Variants in ST6GALNAC3 observed in about 807,000 individuals in gnomAD.
ST6GALNAC3 encodes alpha-N-acetylgalactosaminide alpha-2,6-sialyltransferase 3.
Under a neutral mutation model 32.7 loss-of-function variants are expected in ST6GALNAC3, and 25 were observed. The ratio of observed to expected loss-of-function variants is 0.76; its 90% CI spans 0.56 to 1.07. The LOEUF is 1.07. ST6GALNAC3 is among the 50% of genes least tolerant of loss of function. ST6GALNAC3 has a pLI of 0.00. For synonymous variants in ST6GALNAC3, 129 were observed against 133.1 expected (o/e 0.97, Z 0.21); for missense variants, 355 against 382.4 (o/e 0.93, Z 0.60).
intron 3 of ST6GALNAC3, among the ~76,000 whole-genome samples, chr1:76,578,030 T>C (rs1646837102): frequency 6.6e-6 from 1 of 152,222 alleles, no homozygotes; most frequent in East Asian, 1.9e-4. Context: ...TAACTTGCCC[T>C]AATTTACTAT....
chr1:76,477,508 G>C (rs1307955884), intron 3 of ST6GALNAC3, among the ~76,000 whole-genome samples: 1 of 152,126 alleles, frequency 6.6e-6, no homozygotes, highest in African/African-American at 2.4e-5. Context: ...ATCACCCTAA[G>C]CCTGCACTGG....
intron 3 of ST6GALNAC3, among the ~76,000 whole-genome samples, chr1:76,624,339 T>C (rs1055594781): frequency 5.3e-5 from 8 of 152,068 alleles, no homozygotes; most frequent in East Asian, 1.9e-4. Context: ...CCTGAAATTC[T>C]TGATCTTCTT....
At chr1:76,603,191 A>G (rs909695808) in intron 3 of ST6GALNAC3, among the ~76,000 whole-genome samples, 1 of 152,136 alleles carries the variant, frequency 6.6e-6, no homozygotes, top group Non-Finnish European at 1.5e-5. Flanking sequence ...GTAGTTGAAC[A>G]TTTGCTTACC....
intron 1 of ST6GALNAC3, among the ~76,000 whole-genome samples, chr1:76,197,980 CT>C (rs1654301572): frequency 6.6e-6 from 1 of 152,202 alleles, no homozygotes. Flanking sequence ...AAAATTGCCC[CT>C]GGTTGAAAAC....
chr1:76,530,138 C>A (rs1020531086), intron 3 of ST6GALNAC3, among the ~76,000 whole-genome samples: 1 of 152,178 alleles, frequency 6.6e-6, no homozygotes, highest in Admixed American at 6.5e-5. Flanking sequence ...AATCCACAAA[C>A]CTCGGTGAAA....
intron 1 of ST6GALNAC3, among the ~76,000 whole-genome samples, chr1:76,120,216 G>C (rs540763791): frequency 6.6e-6 from 1 of 152,358 alleles, no homozygotes; most frequent in South Asian, 2.1e-4. Context: ...TGGACTGGGG[G>C]AACAGTGGCA....
intron 1 of ST6GALNAC3, among the ~76,000 whole-genome samples, chr1:76,130,124 C>G (rs1010493254): frequency 5.9e-5 from 9 of 152,172 alleles, no homozygotes; most frequent in African/African-American, 2.2e-4. Context: ...TTAAGAGGCA[C>G]TTTGCTGGGA....
intron 1 of ST6GALNAC3, among the ~76,000 whole-genome samples, chr1:76,106,153 G>A (rs1270335982): frequency 6.6e-6 from 1 of 152,218 alleles, no homozygotes; most frequent in Non-Finnish European, 1.5e-5. Flanking sequence ...AACATAATGA[G>A]TGGTCAATAA....
intron 3 of ST6GALNAC3, among the ~76,000 whole-genome samples, chr1:76,599,971 CAA>C (rs1164651844): frequency 6.6e-6 from 1 of 152,098 alleles, no homozygotes; most frequent in African/African-American, 2.4e-5. Flanking sequence ...TATTTTAGAA[CAA>C]AAGTTATTTT....
At chr1:76,212,096 A>C (rs1017534940) in intron 1 of ST6GALNAC3, among the ~76,000 whole-genome samples, 1 of 152,142 alleles carries the variant, frequency 6.6e-6, no homozygotes, top group Admixed American at 6.5e-5. Context: ...ATTAGAACAA[A>C]AACAACGTTT....
rs752689601 is a variant in ST6GALNAC3 at position 76,399,688 on chromosome 1, C to T, written c.214-12320C>T. Among the ~76,000 whole-genome samples the T allele has an allele frequency of 7.0e-4, 107 of 152,146 alleles. 1 individual carries two copies. The highest frequency in any genetic ancestry group is 1.4e-3 in the Non-Finnish European group (98 of 68,028). On this transcript the variant is annotated intron_variant, in intron 2 of 4. Transcript: ENST00000328299. ...CATTTGAGGATAATTTACCTCTTTA[C>T]ACCATTGAATTTTCTATTCCATGTA...
At chr1:76,436,159 G>A (rs1276742028) in intron 3 of ST6GALNAC3, among the ~76,000 whole-genome samples, 1 of 151,898 alleles carries the variant, frequency 6.6e-6, no homozygotes, top group Non-Finnish European at 1.5e-5. Flanking sequence ...TAAAGCATTC[G>A]AATGCAAAAA....
chr1:76,409,194 T>A (rs1455045449), intron 2 of ST6GALNAC3, among the ~76,000 whole-genome samples: 1 of 152,104 alleles, frequency 6.6e-6, no homozygotes, highest in Non-Finnish European at 1.5e-5. Flanking sequence ...CCTAATACAC[T>A]CATTCACCTT....
chr1:76,374,561 G>A lies in ST6GALNAC3; in HGVS notation c.214-37447G>A, dbSNP rs140570358. ...ACATGTCTAATGACATGAACATATC[G>A]TAGATTCTTTAAGAAGAACCTATTT... On this transcript the variant is annotated intron_variant, in intron 2 of 4. Coordinates refer to ENST00000328299, the MANE Select transcript of ST6GALNAC3 (RefSeq NM_152996.4). Among the ~76,000 whole-genome samples the A allele has an allele frequency of 3.8e-4, 58 of 152,258 alleles. No homozygotes were observed. In the East Asian group the frequency reaches 8.5e-3, roughly 22 times the overall value.
At chr1:76,520,501 C>G (rs1244916459) in intron 3 of ST6GALNAC3, among the ~76,000 whole-genome samples, 1 of 151,988 alleles carries the variant, frequency 6.6e-6, no homozygotes, top group Non-Finnish European at 1.5e-5. Context: ...CACACACACA[C>G]AATAATAAAC....
chr1:76,571,404 C>T (rs1406301839), intron 3 of ST6GALNAC3, among the ~76,000 whole-genome samples: 21 of 152,036 alleles, frequency 1.4e-4, no homozygotes, highest in Non-Finnish European at 3.1e-4. Context: ...AACTTCCGCA[C>T]TTATAAGGGA....
chr1:76,198,565 G>A (rs975033418), intron 1 of ST6GALNAC3, among the ~76,000 whole-genome samples: 7 of 152,166 alleles, frequency 4.6e-5, no homozygotes, highest in Non-Finnish European at 7.3e-5. Context: ...GATATAATTA[G>A]GAGATAGATT....
At chr1:76,250,808 A>G (rs896258828) in intron 1 of ST6GALNAC3, among the ~76,000 whole-genome samples, 2 of 151,460 alleles carry the variant, frequency 1.3e-5, no homozygotes, top group African/African-American at 4.8e-5. Context: ...CACATACAAA[A>G]TAATTAGCAA....
At chr1:76,530,657 G>A (rs1235247914) in intron 3 of ST6GALNAC3, among the ~76,000 whole-genome samples, 1 of 152,116 alleles carries the variant, frequency 6.6e-6, no homozygotes. Context: ...TTTTCTTTTT[G>A]TTTACTTTAA....
Sources: allele counts gnomAD v4.1 joint callset (sites outside exome capture counted in the v4.1 genomes callset), GRCh38; gene constraint gnomAD v4.1.1; transcripts MANE v1.5; gene names NCBI Gene and HGNC (gene_info 2026-07-23, HGNC 2026-07-21).